The following P3H2 variants were observed in gnomAD, a reference collection of about 807,000 sequenced individuals.
P3H2 encodes the protein prolyl 3-hydroxylase 2.
P3H2 carries 80 observed loss-of-function variants against 87.0 expected under a neutral mutation model. The observed-to-expected ratio is 0.92, with a 90% CI of 0.77 to 1.11. P3H2 has a LOEUF of 1.11. Among genes scored for constraint, P3H2 ranks in the 50% least tolerant of loss-of-function variants. The pLI is 0.00. For missense variants in P3H2, 1,001 were observed against 923.9 expected (o/e 1.08, Z -1.08); for synonymous variants, 367 against 359.3 (o/e 1.02, Z -0.24).
intron 1 of P3H2, among the ~76,000 whole-genome samples, chr3:190,059,922 G>A (rs565139464): frequency 2.6e-5 from 4 of 152,090 alleles, no homozygotes; most frequent in Non-Finnish European, 4.4e-5. Context: ...AGTGTGTTAC[G>A]CTGGGAAACT....
At chr3:190,110,008 T>C (rs1396867601) in intron 1 of P3H2, among the ~76,000 whole-genome samples, 1 of 151,714 alleles carries the variant, frequency 6.6e-6, no homozygotes, top group Admixed American at 6.6e-5. Flanking sequence ...ACCACCACAC[T>C]TGGCTAATTC....
intron 1 of P3H2, among the ~76,000 whole-genome samples, chr3:190,052,622 T>G (rs561734459): frequency 6.6e-6 from 1 of 152,234 alleles, no homozygotes; most frequent in East Asian, 1.9e-4. Context: ...GTTATTACCG[T>G]GTCTAAGAAC....
At chr3:190,095,597 C>CT (rs68094675) in intron 1 of P3H2, among the ~76,000 whole-genome samples, 6,179 of 131,806 alleles carry the variant, frequency 0.047, 423 homozygotes, top group African/African-American at 0.15. Context: ...GTTGTGATTC[C>CT]TTTTTTTTTT....
chr3:190,083,881 C>A (rs1000528310), intron 1 of P3H2, among the ~76,000 whole-genome samples: 3 of 152,186 alleles, frequency 2.0e-5, no homozygotes, highest in East Asian at 3.8e-4. Context: ...AGTGAACGAA[C>A]AATAACCACA....
At chr3:190,055,118 G>A (rs1203426560) in intron 1 of P3H2, among the ~76,000 whole-genome samples, 2 of 152,236 alleles carry the variant, frequency 1.3e-5, no homozygotes, top group African/African-American at 4.8e-5. Flanking sequence ...ATAGAAACAG[G>A]AAAGTGTAAC....
In P3H2 at chr3:189,991,281, G is replaced by C. The variant is rs1442047931; in HGVS notation, c.824-2243C>G. On this transcript the variant is annotated intron_variant, in intron 3 of 14. Coordinates refer to ENST00000319332, the MANE Select transcript of P3H2 (RefSeq NM_018192.4). ...ATTTAGGTGAACTGAGTTGATTTTG[G>C]GTAACTGGGTGTGTCACAAATTGGT... Among the ~76,000 whole-genome samples, 3 of 152,228 alleles carry C rather than the reference G, an allele frequency of 2.0e-5. No homozygotes were observed. In the East Asian group the frequency reaches 5.8e-4, roughly 29 times the overall value.
At chr3:189,979,790 C>T (rs1330170395) in intron 8 of P3H2, among the ~76,000 whole-genome samples, 10 of 151,226 alleles carry the variant, frequency 6.6e-5, no homozygotes, top group Non-Finnish European at 7.4e-5. Context: ...GGTGAAACCC[C>T]GTCTCTACTA....
intron 13 of P3H2, 22 bp downstream of exon 13, chr3:189,970,794 A>G (rs765386046): frequency 2.1e-6 from 3 of 1,406,732 alleles, no homozygotes; most frequent in Non-Finnish European, 3.0e-6. Context: ...CTAAATAAGT[A>G]TTCAAGAATA....
chr3:190,067,815 G>T (rs1726562598), intron 1 of P3H2, among the ~76,000 whole-genome samples: 1 of 151,980 alleles, frequency 6.6e-6, no homozygotes. Context: ...CCAATAAAAA[G>T]ATAAAATATT....
chr3:189,976,881 A>G (rs1379587628), intron 8 of P3H2, among the ~76,000 whole-genome samples: 1 of 152,210 alleles, frequency 6.6e-6, no homozygotes, highest in Non-Finnish European at 1.5e-5. Context: ...GTTGAATAGA[A>G]AAATATGCTT....
At chr3:190,049,021 C>T (rs1349032) in intron 1 of P3H2, among the ~76,000 whole-genome samples, 124,383 of 152,158 alleles carry the variant, frequency 0.82, 51,037 homozygotes, top group East Asian at 0.88. Flanking sequence ...GCCTTCAAAT[C>T]ACAGAAGACG....
At chr3:190,066,642 A>G (rs1726515220) in intron 1 of P3H2, among the ~76,000 whole-genome samples, 1 of 152,164 alleles carries the variant, frequency 6.6e-6, no homozygotes, top group Non-Finnish European at 1.5e-5. Flanking sequence ...ATGGAAATAA[A>G]AAAATGGAAA....
intron 1 of P3H2, among the ~76,000 whole-genome samples, chr3:190,008,875 G>T (rs1270044352): frequency 2.0e-5 from 3 of 151,992 alleles, no homozygotes; most frequent in Non-Finnish European, 4.4e-5. Flanking sequence ...TGGGGGGTGG[G>T]GTGGGAAATC....
intron 1 of P3H2, among the ~76,000 whole-genome samples, chr3:190,007,965 C>CACACACACACACACACACACATAT: frequency 3.1e-4 from 29 of 94,342 alleles, no homozygotes; most frequent in Non-Finnish European, 4.7e-4. Flanking sequence ...TGTTGACACA[C>CACACACACACACACACACACATAT]ATATATATAT....
intron 1 of P3H2, among the ~76,000 whole-genome samples, chr3:190,067,985 G>T (rs971453643): frequency 6.6e-6 from 1 of 152,080 alleles, no homozygotes; most frequent in African/African-American, 2.4e-5. Context: ...CAAATAGCAT[G>T]AGTTAGATTT....
chr3:189,957,739 C>A lies in P3H2; in HGVS notation c.*173G>T. 1.0e-5 allele frequency: 6 copies of A among 602,168 alleles called. No individual in the cohort carries two copies. The highest frequency in any genetic ancestry group is 4.5e-4 in the Middle Eastern group (1 of 2,232). The allele number at this position is 602,168 out of a possible 1,614,324, so 37.3% of individuals were successfully genotyped here. On this transcript the variant is annotated 3_prime_UTR_variant, in exon 15 of 15. Coordinates refer to ENST00000319332, the MANE Select transcript of P3H2 (RefSeq NM_018192.4). Reference sequence around the variant, plus strand: ...GAGAGAGAGAGAAAACAACCCAAAACAAGAAAGATAGATTGATAGATTGAG... The same window carrying A: ...GAGAGAGAGAGAAAACAACCCAAAAAAAGAAAGATAGATTGATAGATTGAG...
At chr3:190,102,994 C>A (rs1404842123) in intron 1 of P3H2, among the ~76,000 whole-genome samples, 1 of 152,036 alleles carries the variant, frequency 6.6e-6, no homozygotes, top group East Asian at 1.9e-4. Flanking sequence ...TACTTTTTAG[C>A]AATAAAGTAT....
chr3:190,065,532 A>C (rs1726468388), intron 1 of P3H2, among the ~76,000 whole-genome samples: 1 of 152,192 alleles, frequency 6.6e-6, no homozygotes, highest in Admixed American at 6.5e-5. Context: ...TATGTTAATC[A>C]GTAACGACAT....
intron 1 of P3H2, among the ~76,000 whole-genome samples, chr3:190,087,371 C>T (rs2108983268): frequency 6.6e-6 from 1 of 151,026 alleles, no homozygotes; most frequent in South Asian, 2.1e-4. Context: ...CCCATCTCTA[C>T]TAAAAATACA....
Sources: allele counts gnomAD v4.1 joint callset (sites outside exome capture counted in the v4.1 genomes callset), GRCh38; gene constraint gnomAD v4.1.1; transcripts MANE v1.5; gene names NCBI Gene and HGNC (gene_info 2026-07-23, HGNC 2026-07-21).